LPP: variants seen among roughly 807,000 people sequenced by gnomAD.
The protein encoded by LPP is LIM domain containing preferred translocation partner in lipoma.
Under a neutral mutation model 60.4 loss-of-function variants are expected in LPP, and 38 were observed. The ratio of observed to expected loss-of-function variants is 0.63; its 90% CI spans 0.49 to 0.83. The LOEUF is 0.83. Among genes scored for constraint, LPP ranks in the 40% least tolerant of loss-of-function variants. The pLI is 0.00. For missense variants in LPP, 902 were observed against 783.6 expected (o/e 1.15, Z -1.80); for synonymous variants, 328 against 290.8 (o/e 1.13, Z -1.30).
intron 7 of LPP, among the ~76,000 whole-genome samples, chr3:188,661,697 T>TTGTTTAAGTTGTTTGCAACTTAA (rs1451577368): frequency 7.2e-5 from 11 of 152,222 alleles, no homozygotes; most frequent in Admixed American, 6.5e-4. Flanking sequence ...TTCTTAAACG[T>TTGTTTAAGTTGTTTGCAACTTAA]GTTGTTTGCA....
chr3:188,462,541 GCTTT>G (rs1347455624), intron 4 of LPP, among the ~76,000 whole-genome samples: 1 of 49,544 alleles, frequency 2.0e-5, no homozygotes, highest in African/African-American at 7.8e-5. Context: ...ATTTATATGA[GCTTT>G]ATATATATAT....
At chr3:188,723,121 C>T (rs1025153613) in intron 8 of LPP, among the ~76,000 whole-genome samples, 1 of 152,000 alleles carries the variant, frequency 6.6e-6, no homozygotes, top group Non-Finnish European at 1.5e-5. Context: ...TGTAGAAGAA[C>T]TAATTGAAAA....
chr3:188,247,258 T>TG lies in LPP; in HGVS notation c.-67+21734dup, dbSNP rs200497868. The TG allele has an allele frequency of 4.7e-3, 3,405 of 720,688 alleles. 80 individuals are homozygous for TG. In the African/African-American group the frequency reaches 0.057, roughly 12 times the overall value. The allele number at this position is 720,688 out of a possible 1,614,324, so 44.6% of individuals were successfully genotyped here. A position where few individuals can be genotyped will look rare whatever the true frequency, so the allele number is the denominator to read the frequency against. ...AAGTCTTAGTTGCAGGGCACTTTAG[T>TG]GGGAAAAAAAAAAAAACGCTGAGGC... On this transcript the variant is annotated intron_variant, in intron 2 of 11. Transcript: ENST00000617246.
At chr3:188,587,587 T>C (rs192480332) in intron 6 of LPP, among the ~76,000 whole-genome samples, 52 of 152,324 alleles carry the variant, frequency 3.4e-4, no homozygotes, top group Middle Eastern at 3.4e-3. Context: ...GAAATTACCA[T>C]AATTTTGTAT....
At chr3:188,810,862 T>A (rs1750729974) in intron 9 of LPP, among the ~76,000 whole-genome samples, 1 of 152,164 alleles carries the variant, frequency 6.6e-6, no homozygotes, top group Non-Finnish European at 1.5e-5. Context: ...ATAATTATTT[T>A]CAATTCTATA....
chr3:188,590,678 C>G (rs1838500246), intron 6 of LPP, among the ~76,000 whole-genome samples: 1 of 152,172 alleles, frequency 6.6e-6, no homozygotes, highest in Admixed American at 6.5e-5. Context: ...TTACAACTGA[C>G]CTCTGATTGG....
At chr3:188,296,121 C>T (rs138343635) in intron 2 of LPP, among the ~76,000 whole-genome samples, 171 of 152,262 alleles carry the variant, frequency 1.1e-3, no homozygotes, top group African/African-American at 4.1e-3. Flanking sequence ...TAATGCTCTT[C>T]GTTTCATGCC....
intron 6 of LPP, among the ~76,000 whole-genome samples, chr3:188,526,907 T>G (rs1820746178): frequency 6.6e-6 from 1 of 152,210 alleles, no homozygotes; most frequent in Non-Finnish European, 1.5e-5. Flanking sequence ...TGGCCTATAC[T>G]GCAGGAGCAC....
intron 2 of LPP, among the ~76,000 whole-genome samples, chr3:188,268,424 A>G (rs1736416263): frequency 6.6e-6 from 1 of 152,364 alleles, no homozygotes; most frequent in East Asian, 1.9e-4. Context: ...TGGCACTGCC[A>G]TTTGGTTGAA....
At chr3:188,193,210 T>C (rs1728652413) in intron 1 of LPP, among the ~76,000 whole-genome samples, 2 of 152,160 alleles carry the variant, frequency 1.3e-5, no homozygotes, top group South Asian at 2.1e-4. Context: ...TGTTTATTAC[T>C]GTACAAGAAG....
chr3:188,318,780 A>G (rs1352527230), intron 2 of LPP, among the ~76,000 whole-genome samples: 3 of 102,974 alleles, frequency 2.9e-5, no homozygotes, highest in African/African-American at 4.3e-5. Context: ...TTTTTTTGAG[A>G]CGGAGTCTCG....
chr3:188,683,966 G>A (rs79214816), intron 7 of LPP, among the ~76,000 whole-genome samples: 6 of 152,198 alleles, frequency 3.9e-5, no homozygotes, highest in African/African-American at 1.4e-4. Context: ...TCGGGAAACC[G>A]GAGTGTTGTC....
chr3:188,407,207 C>T (rs556825451), intron 4 of LPP, among the ~76,000 whole-genome samples: 2 of 150,716 alleles, frequency 1.3e-5, no homozygotes, highest in East Asian at 2.0e-4. Context: ...ATATCTTACC[C>T]TCTTCATGAT....
intron 4 of LPP, among the ~76,000 whole-genome samples, chr3:188,421,109 G>A (rs1490745312): frequency 6.6e-6 from 1 of 152,150 alleles, no homozygotes; most frequent in Non-Finnish European, 1.5e-5. Flanking sequence ...GTAGTCCAGA[G>A]TAGATTCAGG....
chr3:188,654,054 C>A (rs1054372386), intron 7 of LPP, among the ~76,000 whole-genome samples: 21 of 152,154 alleles, frequency 1.4e-4, no homozygotes, highest in Non-Finnish European at 2.6e-4. Flanking sequence ...ATGCCCATGA[C>A]CCTTATTTCA....
intron 5 of LPP, among the ~76,000 whole-genome samples, chr3:188,524,160 C>T (rs944387355): frequency 6.6e-6 from 1 of 152,188 alleles, no homozygotes; most frequent in African/African-American, 2.4e-5. Flanking sequence ...TGCCATCTCT[C>T]GCACACATGC....
At chr3:188,462,566 ATATATATATATATATATATGCATGTGTG>A (rs1799292672) in intron 4 of LPP, among the ~76,000 whole-genome samples, 3 of 51,842 alleles carry the variant, frequency 5.8e-5, no homozygotes, top group Non-Finnish European at 7.8e-5. Flanking sequence ...ATATATATAT[ATATATATATATATATATATGCATGTGTG>A]TGTGTGTGTG....
intron 3 of LPP, among the ~76,000 whole-genome samples, chr3:188,376,977 C>G (rs1775311321): frequency 6.6e-6 from 1 of 152,112 alleles, no homozygotes; most frequent in Admixed American, 6.5e-5. Context: ...CTTAGTTTGG[C>G]TGGATATGAA....
intron 9 of LPP, among the ~76,000 whole-genome samples, chr3:188,825,247 TTCTCTC>T (rs61381257): frequency 3.1e-3 from 362 of 118,502 alleles, no homozygotes; most frequent in African/African-American, 0.011. Context: ...CAGCCTTTCT[TTCTCTC>T]TCTCTCTCTC....
Sources: allele counts gnomAD v4.1 joint callset (sites outside exome capture counted in the v4.1 genomes callset), GRCh38; gene constraint gnomAD v4.1.1; transcripts MANE v1.5; gene names NCBI Gene and HGNC (gene_info 2026-07-23, HGNC 2026-07-21).